ARL13B: variants seen among roughly 807,000 people sequenced by gnomAD.
ARL13B encodes the protein ARF like GTPase 13B, also known as ADP-ribosylation factor-like protein 13B.
In ARL13B, 36 loss-of-function variants were observed where a neutral mutation model predicts 56.1. The ratio of observed to expected loss-of-function variants is 0.64; its 90% CI spans 0.49 to 0.85. ARL13B has a LOEUF of 0.85. Among genes scored for constraint, ARL13B ranks in the 40% least tolerant of loss-of-function variants. ARL13B has a pLI of 0.00. For missense variants in ARL13B, 519 were observed against 507.1 expected, an observed-to-expected ratio of 1.02 and a Z score of -0.23; for synonymous variants, 178 against 171.1, an observed-to-expected ratio of 1.04 and a Z score of -0.32.
At chr3:93,993,041 G>A (rs1356220320) in intron 1 of ARL13B, among the ~76,000 whole-genome samples, 2 of 151,180 alleles carry the variant, frequency 1.3e-5, no homozygotes, top group East Asian at 3.9e-4. Flanking sequence ...CTGAGCTCGA[G>A]TGATCGGCCC....
intron 7 of ARL13B, among the ~76,000 whole-genome samples, chr3:94,045,683 C>T (rs1315246677): frequency 6.6e-6 from 1 of 151,770 alleles, no homozygotes; most frequent in Non-Finnish European, 1.5e-5. Flanking sequence ...AAAGTAGTGG[C>T]CGGGCACAGT....
chr3:94,048,759 G>A (rs1055437838), intron 7 of ARL13B, among the ~76,000 whole-genome samples: 30 of 151,298 alleles, frequency 2.0e-4, no homozygotes, highest in African/African-American at 7.3e-4. Flanking sequence ...AGCCATGCTG[G>A]GGTTTTTTTT....
At chr3:93,990,461 A>G (rs1250237530) in intron 1 of ARL13B, among the ~76,000 whole-genome samples, 1 of 152,184 alleles carries the variant, frequency 6.6e-6, no homozygotes, top group East Asian at 1.9e-4. Context: ...TATGTTGTAT[A>G]TACAATAGCC....
intron 3 of ARL13B, chr3:94,015,247 A>C (rs1328812521): frequency 3.9e-6 from 6 of 1,550,462 alleles, no homozygotes; most frequent in Non-Finnish European, 5.2e-6. Flanking sequence ...TCTCTGCTTT[A>C]GTTCTTGAAG....
intron 3 of ARL13B, among the ~76,000 whole-genome samples, chr3:94,021,200 A>AT (rs71105170): frequency 4.0e-5 from 6 of 148,340 alleles, no homozygotes; most frequent in Admixed American, 1.3e-4. Flanking sequence ...ATATATATAT[A>AT]ATTTTTTTTT....
intron 2 of ARL13B, among the ~76,000 whole-genome samples, chr3:94,001,374 CCAT>C (rs1263643972): frequency 3.3e-5 from 5 of 152,202 alleles, no homozygotes; most frequent in Non-Finnish European, 4.4e-5. Context: ...GGGCATATTG[CCAT>C]CATTTTATCT....
At chr3:94,038,633 C>T (rs1175326726) in intron 5 of ARL13B, among the ~76,000 whole-genome samples, 1 of 150,230 alleles carries the variant, frequency 6.7e-6, no homozygotes, top group African/African-American at 2.5e-5. Flanking sequence ...AAGCGATTCT[C>T]CTGCCTCAGC....
chr3:93,991,387 T>G (rs374493093), intron 1 of ARL13B, among the ~76,000 whole-genome samples: 29 of 152,232 alleles, frequency 1.9e-4, no homozygotes, highest in East Asian at 1.5e-3. Flanking sequence ...TACGAATGAA[T>G]TAATGAATGG....
chr3:94,041,441 T>C (rs2076860094), intron 6 of ARL13B, among the ~76,000 whole-genome samples: 2 of 152,162 alleles, frequency 1.3e-5, no homozygotes, highest in Admixed American at 1.3e-4. Flanking sequence ...GTGAAAGTCT[T>C]CAAGTTACTA....
chr3:93,985,299 A>G (rs987380610), intron 1 of ARL13B, among the ~76,000 whole-genome samples: 2 of 152,218 alleles, frequency 1.3e-5, no homozygotes, highest in Admixed American at 6.5e-5. Flanking sequence ...TAACCCTTAC[A>G]CATTCTCATC....
At chr3:93,982,505 GA>G (rs1394647561) in intron 1 of ARL13B, among the ~76,000 whole-genome samples, 3 of 152,190 alleles carry the variant, frequency 2.0e-5, no homozygotes, top group Non-Finnish European at 4.4e-5. Flanking sequence ...TTAAAAGTAT[GA>G]TTACATGTTG....
chr3:94,002,320 G>C (rs911257317), intron 2 of ARL13B, among the ~76,000 whole-genome samples: 2 of 152,046 alleles, frequency 1.3e-5, no homozygotes, highest in Non-Finnish European at 2.9e-5. Flanking sequence ...TTCCGCCTCA[G>C]CCTACCAAAG....
At chr3:94,003,286 C>T (rs1039554163) in intron 2 of ARL13B, among the ~76,000 whole-genome samples, 9 of 152,050 alleles carry the variant, frequency 5.9e-5, no homozygotes, top group Admixed American at 4.6e-4. Context: ...TTTATAACTC[C>T]ACAGATGTTT....
intron 1 of ARL13B, 127 bp downstream of exon 1, chr3:93,980,609 CA>C: frequency 8.5e-7 from 1 of 1,176,842 alleles, no homozygotes; most frequent in Non-Finnish European, 1.2e-6. Context: ...CTTTCATTCC[CA>C]GGGTGTCCCG....
At chr3:94,038,521 T>TC (rs1335935275) in intron 5 of ARL13B, among the ~76,000 whole-genome samples, 3 of 143,128 alleles carry the variant, frequency 2.1e-5, no homozygotes, top group African/African-American at 7.8e-5. Flanking sequence ...TGCTCTTTTT[T>TC]TTTTTTTTTT....
Position 94,054,803 on chromosome 3 carries a change from A to G in ARL13B, c.*1540A>G. The G allele has an allele frequency of 2.6e-6, 1 of 384,574 alleles. No homozygotes were observed. The highest frequency in any genetic ancestry group is 2.0e-5 in the South Asian group (1 of 49,676). The allele number at this position is 384,574 out of a possible 1,614,324, so 23.8% of individuals were successfully genotyped here. On this transcript the variant is annotated 3_prime_UTR_variant, in exon 10 of 10. Transcript: ENST00000394222. Reference sequence around the variant, plus strand: ...GTGAGGTAAAAGCATTTGATTTCAGATCTAAAATTCGTAACAACCTAAATT... The same window carrying G: ...GTGAGGTAAAAGCATTTGATTTCAGGTCTAAAATTCGTAACAACCTAAATT...
chr3:93,987,171 T>A (rs921646334), intron 1 of ARL13B, among the ~76,000 whole-genome samples: 10 of 151,784 alleles, frequency 6.6e-5, no homozygotes, highest in Admixed American at 2.0e-4. Flanking sequence ...TTTTTTTTTT[T>A]AAATAGAGAC....
At chr3:93,991,340 A>G (rs1435821644) in intron 1 of ARL13B, among the ~76,000 whole-genome samples, 12 of 152,160 alleles carry the variant, frequency 7.9e-5, no homozygotes, top group Admixed American at 7.9e-4. Flanking sequence ...TCCCAATAAT[A>G]ATTTACCATA....
chr3:94,016,710 G>A (rs181990503), intron 3 of ARL13B, among the ~76,000 whole-genome samples: 101 of 150,386 alleles, frequency 6.7e-4, no homozygotes, highest in African/African-American at 2.4e-3. Context: ...GCAGTGGTGC[G>A]ACCTCAGCTC....
Sources: allele counts gnomAD v4.1 joint callset (sites outside exome capture counted in the v4.1 genomes callset), GRCh38; gene constraint gnomAD v4.1.1; transcripts MANE v1.5; gene names NCBI Gene and HGNC (gene_info 2026-07-23, HGNC 2026-07-21).